Variants in CACNA2D3 observed in about 807,000 individuals in gnomAD.
CACNA2D3 encodes calcium voltage-gated channel auxiliary subunit alpha2delta 3.
In CACNA2D3, 60 loss-of-function variants were observed where a neutral mutation model predicts 160.6. The ratio of observed to expected loss-of-function variants is 0.37; its 90% confidence interval spans 0.30 to 0.46. The LOEUF is 0.46. Among genes scored for constraint, CACNA2D3 ranks in the 20% least tolerant of loss-of-function variants. CACNA2D3 has a pLI of 1.00. For missense variants in CACNA2D3, 1,205 were observed against 1,365.0 expected, an observed-to-expected ratio of 0.88 and a Z score of 1.85; for synonymous variants, 558 against 492.9, an observed-to-expected ratio of 1.13 and a Z score of -1.75.
intron 11 of CACNA2D3, among the ~76,000 whole-genome samples, chr3:54,664,383 A>C (rs1225695444): frequency 6.6e-6 from 1 of 152,212 alleles, no homozygotes; most frequent in Non-Finnish European, 1.5e-5. Context: ...TACATGTTCC[A>C]AAATACTCTG....
intron 27 of CACNA2D3, among the ~76,000 whole-genome samples, chr3:54,942,488 T>C (rs892505490): frequency 1.3e-5 from 2 of 152,258 alleles, no homozygotes; most frequent in Admixed American, 6.5e-5. Context: ...GCTGATTATA[T>C]GCTCCTCTTA....
At chr3:54,407,113 C>T (rs1575438638) in intron 4 of CACNA2D3, among the ~76,000 whole-genome samples, 1 of 152,186 alleles carries the variant, frequency 6.6e-6, no homozygotes, top group African/African-American at 2.4e-5. Context: ...AATGACTATT[C>T]TCACTGGGGG....
Position 54,552,206 on chromosome 3 carries a change from G to A in CACNA2D3, c.545-10594G>A, listed in dbSNP as rs150997819. Among the ~76,000 whole-genome samples the A allele has an allele frequency of 6.7e-3, 1,021 of 152,198 alleles. 3 individuals carry two copies. Among genetic ancestry groups the A allele is most frequent in the Non-Finnish European group, 0.011 (758 of 68,004 alleles). ...ATGCATCTAGGAACTCTCGGAGGGG[G>A]ACTCCAAATTGGTACCCAGTACTAC... On this transcript the variant is annotated intron_variant, in intron 5 of 37. Transcript: ENST00000474759.
intron 5 of CACNA2D3, among the ~76,000 whole-genome samples, chr3:54,532,764 G>A (rs374435642): frequency 2.0e-5 from 3 of 152,240 alleles, no homozygotes; most frequent in East Asian, 3.9e-4. Context: ...ATAAACATTT[G>A]GATGCATGGA....
intron 27 of CACNA2D3, among the ~76,000 whole-genome samples, chr3:54,914,243 T>C (rs1193080953): frequency 6.6e-6 from 1 of 152,088 alleles, no homozygotes; most frequent in Non-Finnish European, 1.5e-5. Flanking sequence ...TTATGTCAAC[T>C]CCAGTTGATC....
At chr3:54,483,638 A>G (rs936208571) in intron 4 of CACNA2D3, among the ~76,000 whole-genome samples, 2 of 152,202 alleles carry the variant, frequency 1.3e-5, no homozygotes, top group African/African-American at 4.8e-5. Context: ...TAAAACAACA[A>G]CCACAAAAAT....
At chr3:54,734,489 G>T (rs906095028) in intron 11 of CACNA2D3, among the ~76,000 whole-genome samples, 3 of 152,148 alleles carry the variant, frequency 2.0e-5, no homozygotes, top group African/African-American at 7.2e-5. Flanking sequence ...GTGGGGAAAA[G>T]ATGAAAAGGC....
At chr3:54,188,311 T>G (rs1576987541) in intron 2 of CACNA2D3, among the ~76,000 whole-genome samples, 1 of 152,150 alleles carries the variant, frequency 6.6e-6, no homozygotes, top group Non-Finnish European at 1.5e-5. Flanking sequence ...AATTACCCTG[T>G]AGGGATAGCA....
intron 27 of CACNA2D3, among the ~76,000 whole-genome samples, chr3:54,968,194 G>T (rs1702192869): frequency 6.6e-6 from 1 of 152,022 alleles, no homozygotes; most frequent in Non-Finnish European, 1.5e-5. Context: ...ATGAATTTTA[G>T]AAATGCCGAA....
chr3:54,703,260 AAAAT>A (rs1700798560), intron 11 of CACNA2D3, among the ~76,000 whole-genome samples: 1 of 152,178 alleles, frequency 6.6e-6, no homozygotes, highest in South Asian at 2.1e-4. Flanking sequence ...AAAGGATAAA[AAAAT>A]AAATAAAAGT....
At chr3:54,480,232 A>C (rs765327251) in intron 4 of CACNA2D3, among the ~76,000 whole-genome samples, 2 of 152,182 alleles carry the variant, frequency 1.3e-5, no homozygotes, top group Non-Finnish European at 2.9e-5. Context: ...GGTGTGCTAC[A>C]GGTGTTCCTC....
chr3:54,808,822 G>A (rs998377150), intron 13 of CACNA2D3, among the ~76,000 whole-genome samples: 4 of 152,070 alleles, frequency 2.6e-5, no homozygotes, highest in African/African-American at 9.7e-5. Flanking sequence ...CAGTGAGAGG[G>A]GTTCTGATAC....
intron 9 of CACNA2D3, among the ~76,000 whole-genome samples, chr3:54,613,553 A>G (rs1158917873): frequency 6.6e-6 from 1 of 152,204 alleles, no homozygotes; most frequent in Non-Finnish European, 1.5e-5. Context: ...GTCGCTGAGA[A>G]GGCTTTCTAT....
intron 2 of CACNA2D3, among the ~76,000 whole-genome samples, chr3:54,144,756 G>A (rs780914050): frequency 9.9e-5 from 15 of 152,170 alleles, no homozygotes; most frequent in Admixed American, 2.6e-4. Flanking sequence ...ATGCACTTAC[G>A]GAGTTATTAT....
chr3:55,011,010 T>C (rs1703199327), intron 34 of CACNA2D3, among the ~76,000 whole-genome samples: 2 of 152,264 alleles, frequency 1.3e-5, no homozygotes, highest in Admixed American at 1.3e-4. Context: ...TTTCTGGTGC[T>C]AGGCATGACC....
At chr3:54,354,556 T>C (rs1698616962) in intron 3 of CACNA2D3, among the ~76,000 whole-genome samples, 1 of 152,234 alleles carries the variant, frequency 6.6e-6, no homozygotes. Context: ...TCTCTGGGTC[T>C]CTTTCTTGTG....
intron 9 of CACNA2D3, among the ~76,000 whole-genome samples, chr3:54,611,901 G>A (rs1698756112): frequency 6.6e-6 from 1 of 152,190 alleles, no homozygotes; most frequent in South Asian, 2.1e-4. Context: ...AGGGATGTTT[G>A]TTTTATCTTT....
intron 3 of CACNA2D3, among the ~76,000 whole-genome samples, chr3:54,365,080 G>T (rs1446813343): frequency 6.6e-6 from 1 of 152,186 alleles, no homozygotes; most frequent in Non-Finnish European, 1.5e-5. Flanking sequence ...AGTAAAACTT[G>T]TGTTTCCTCA....
chr3:54,309,994 C>G (rs1357281699), intron 2 of CACNA2D3, among the ~76,000 whole-genome samples: 1 of 151,924 alleles, frequency 6.6e-6, no homozygotes, highest in Admixed American at 6.6e-5. Flanking sequence ...GTCTTTTGTT[C>G]AGATTCAAAT....
Sources: gnomAD v4.1 joint callset for allele counts (sites outside exome capture counted in the v4.1 genomes callset) on GRCh38, gnomAD v4.1.1 for gene constraint, MANE v1.5 for transcripts, NCBI Gene and HGNC (gene_info 2026-07-23, HGNC 2026-07-21) for gene names.